The following PLGRKT variants were observed in gnomAD, a reference collection of about 807,000 sequenced individuals.
The protein encoded by PLGRKT is plasminogen receptor with a C-terminal lysine.
Under a neutral mutation model 18.5 loss-of-function variants are expected in PLGRKT, and 22 were observed. That is an observed-to-expected ratio of 1.19 (90% CI 0.85 to 1.70). The LOEUF (loss-of-function observed/expected upper bound fraction) is 1.70, where lower values mean the gene tolerates loss of function less well. Among genes scored for constraint, PLGRKT ranks in the 40% most tolerant of loss-of-function variants. PLGRKT has a pLI of 0.00. For synonymous variants in PLGRKT, 72 were observed against 52.8 expected, an observed-to-expected ratio of 1.36 and a Z score of -1.58; for missense variants, 235 against 174.4, an observed-to-expected ratio of 1.35 and a Z score of -1.96.
At chr9:5,414,567 A>G (rs566575302) in intron 3 of PLGRKT, among the ~76,000 whole-genome samples, 21 of 152,366 alleles carry the variant, frequency 1.4e-4, no homozygotes, top group Non-Finnish European at 2.5e-4. Flanking sequence ...GAGAATATAA[A>G]TTATAACAAA....
intron 3 of PLGRKT, among the ~76,000 whole-genome samples, chr9:5,362,373 TA>T (rs1449168221): frequency 6.6e-6 from 1 of 152,226 alleles, no homozygotes; most frequent in East Asian, 1.9e-4. Context: ...GAGACATCTA[TA>T]GAGATTTTTC....
intron 3 of PLGRKT, among the ~76,000 whole-genome samples, chr9:5,411,329 G>T (rs140015063): frequency 1.3e-5 from 2 of 149,086 alleles, no homozygotes; most frequent in Non-Finnish European, 3.0e-5. Flanking sequence ...AGGTTGCAGC[G>T]AGCCAAGGTT....
At chr9:5,398,881 T>G (rs535269500) in intron 3 of PLGRKT, among the ~76,000 whole-genome samples, 1 of 151,704 alleles carries the variant, frequency 6.6e-6, no homozygotes, top group Non-Finnish European at 1.5e-5. Flanking sequence ...TGAGAACCAG[T>G]CAATGCAGAA....
At position 5,395,118 on chromosome 9, in the gene PLGRKT, A is replaced by AAAG. The variant is rs397762186; in HGVS notation, c.82-33231_82-33230insCTT. Among the ~76,000 whole-genome samples, 72 of 151,900 alleles carry AAAG rather than the reference A, an allele frequency of 4.7e-4. No individual in the cohort carries two copies. In the South Asian group the frequency reaches 0.015, roughly 31 times the overall value. On this transcript the variant is annotated intron_variant, in intron 3 of 5. Transcript: ENST00000223864. Reference sequence around the variant, plus strand: ...GAAAAGGCTTTGCAAAAAAAAAAAAACTTAATGAAAGATTATCTTCAAACA... The same window carrying AAAG: ...GAAAAGGCTTTGCAAAAAAAAAAAAAAAGCTTAATGAAAGATTATCTTCAAACA...
intron 1 of PLGRKT, 108 bp from the exon 2 acceptor site, chr9:5,436,802 A>G (rs1252103838): frequency 6.6e-6 from 1 of 152,232 alleles, no homozygotes. Context: ...GTCATTTCCC[A>G]AAGTCTGGGA....
At chr9:5,428,971 G>A (rs879379796) in intron 3 of PLGRKT, among the ~76,000 whole-genome samples, 2 of 152,150 alleles carry the variant, frequency 1.3e-5, no homozygotes, top group Non-Finnish European at 2.9e-5. Flanking sequence ...CAGTGTGCTG[G>A]GATTACAGGT....
intron 3 of PLGRKT, among the ~76,000 whole-genome samples, chr9:5,387,555 T>C (rs757146424): frequency 4.0e-4 from 60 of 151,890 alleles, no homozygotes; most frequent in Admixed American, 1.2e-3. Context: ...ATAAAGTATA[T>C]ACCATATAGT....
intron 3 of PLGRKT, among the ~76,000 whole-genome samples, chr9:5,382,689 C>T (rs1817769974): frequency 6.6e-6 from 1 of 152,178 alleles, no homozygotes. Flanking sequence ...ATCAGATTTG[C>T]ATTTTAAATG....
chr9:5,434,765 G>C (rs1010796107), intron 2 of PLGRKT, among the ~76,000 whole-genome samples: 1 of 151,916 alleles, frequency 6.6e-6, no homozygotes, highest in South Asian at 2.1e-4. Context: ...TCTGGGAAGT[G>C]AGGTGTGCCT....
intron 3 of PLGRKT, among the ~76,000 whole-genome samples, chr9:5,393,839 A>T (rs1295650264): frequency 6.6e-6 from 1 of 151,870 alleles, no homozygotes; most frequent in African/African-American, 2.4e-5. Flanking sequence ...AAGAGAATAG[A>T]TTTCCGTTTT....
chr9:5,400,698 C>A (rs1469056046), intron 3 of PLGRKT, among the ~76,000 whole-genome samples: 2 of 151,936 alleles, frequency 1.3e-5, no homozygotes, highest in African/African-American at 4.9e-5. Flanking sequence ...ATCTTTATAT[C>A]CTCCTTGAAT....
chr9:5,413,254 A>G (rs1318577115), intron 3 of PLGRKT, among the ~76,000 whole-genome samples: 2 of 152,222 alleles, frequency 1.3e-5, no homozygotes, highest in Non-Finnish European at 2.9e-5. Context: ...GAAAGAACAA[A>G]GTTATTCATT....
At chr9:5,371,105 T>C (rs1302740454) in intron 3 of PLGRKT, among the ~76,000 whole-genome samples, 2 of 152,336 alleles carry the variant, frequency 1.3e-5, no homozygotes, top group African/African-American at 2.4e-5. Context: ...ACATGTAACA[T>C]CTTATTATAA....
At chr9:5,426,075 C>T (rs1313409150) in intron 3 of PLGRKT, among the ~76,000 whole-genome samples, 2 of 152,166 alleles carry the variant, frequency 1.3e-5, no homozygotes, top group African/African-American at 2.4e-5. Flanking sequence ...AAAAAGACAA[C>T]ATCTTCTAGC....
rs773664875 is a variant in PLGRKT, at chr9:5,358,246, T to A, written c.437A>T (p.Asp146Val). ...ARKEQSRFFI[D>V]K ...TGATTGGTAAGCATGATTTCATTTG[T>A]CTATGAAGAATCTACTCTGTTCCTT... Residue 146 changes from aspartate (D) to valine (V), a missense_variant, in exon 6 of 6, where the codon GAC (aspartate) becomes GTC (valine). Asp to Val is a radical substitution (Grantham distance 152). Transcript: ENST00000223864. The A allele has an allele frequency of 1.4e-4, 223 of 1,608,772 alleles. No homozygotes were observed. Among genetic ancestry groups the A allele is most frequent in the Non-Finnish European group, 1.7e-4 (197 of 1,175,732 alleles).
intron 3 of PLGRKT, among the ~76,000 whole-genome samples, chr9:5,369,038 T>A (rs1011396346): frequency 1.3e-5 from 2 of 152,142 alleles, no homozygotes; most frequent in East Asian, 3.8e-4. Flanking sequence ...ATTCAGGACA[T>A]AGGCATGGGC....
intron 3 of PLGRKT, among the ~76,000 whole-genome samples, chr9:5,381,487 C>A (rs1415257218): frequency 1.3e-5 from 2 of 152,244 alleles, no homozygotes; most frequent in Non-Finnish European, 2.9e-5. Flanking sequence ...AAGTCAAGAA[C>A]TGAGCTTTGG....
At chr9:5,365,424 G>A (rs1396797375) in intron 3 of PLGRKT, among the ~76,000 whole-genome samples, 1 of 152,160 alleles carries the variant, frequency 6.6e-6, no homozygotes, top group Non-Finnish European at 1.5e-5. Flanking sequence ...CAAATATCCT[G>A]TACAGAAGAA....
intron 5 of PLGRKT, among the ~76,000 whole-genome samples, chr9:5,359,544 A>C (rs115860821): frequency 0.022 from 3,417 of 152,308 alleles, 143 homozygotes; most frequent in African/African-American, 0.079. Flanking sequence ...TCCACGTGAG[A>C]GAGCCTTTCT....
Sources: allele counts gnomAD v4.1 joint callset (sites outside exome capture counted in the v4.1 genomes callset), GRCh38; gene constraint gnomAD v4.1.1; transcripts MANE v1.5; gene names NCBI Gene and HGNC (gene_info 2026-07-23, HGNC 2026-07-21).